XIRP2: variants seen among roughly 807,000 people sequenced by gnomAD.
The protein encoded by XIRP2 is xin actin-binding repeat-containing protein 2.
In XIRP2, 236 loss-of-function variants were observed where a neutral mutation model predicts 277.0. The observed-to-expected ratio is 0.85, with a 90% confidence interval of 0.77 to 0.95. XIRP2 has a LOEUF of 0.95. Ranked by LOEUF, XIRP2 falls within the 40% of genes least tolerant of loss-of-function variation. The pLI is 0.00. For missense variants in XIRP2, 4,640 were observed against 4,157.5 expected (o/e 1.12, Z -3.19); for synonymous variants, 1,490 against 1,416.5 (o/e 1.05, Z -1.17).
chr2:167,138,607 T>G (rs1174668087), intron 3 of XIRP2, among the ~76,000 whole-genome samples: 1 of 152,216 alleles, frequency 6.6e-6, no homozygotes, highest in Non-Finnish European at 1.5e-5. Flanking sequence ...CTCTAACAGT[T>G]GTTAAAATGA....
rs114825225 is a variant in XIRP2 at position 167,215,400 on chromosome 2, C to T, written c.724-2766C>T. On this transcript the variant is annotated intron_variant, in intron 4 of 10. Transcript: ENST00000409195. ...TTGATAGTCCACATAAATGAGGAAACGTTATTAACTTAGTAAAGCAACAAC... is the reference window on the plus strand; with the variant it reads ...TTGATAGTCCACATAAATGAGGAAATGTTATTAACTTAGTAAAGCAACAAC... 4.6e-3 allele frequency among the ~76,000 whole-genome samples: 707 copies of T among 152,224 alleles called. 6 individuals carry two copies. The highest frequency in any genetic ancestry group is 0.016 in the African/African-American group (653 of 41,526).
At chr2:167,166,144 A>G (rs539989868) in intron 3 of XIRP2, among the ~76,000 whole-genome samples, 2 of 152,264 alleles carry the variant, frequency 1.3e-5, no homozygotes, top group African/African-American at 2.4e-5. Flanking sequence ...ACAAATTTTG[A>G]TAAGTTGTAT....
rs537387902 is a variant in XIRP2, at chr2:166,957,406, AC to A, written c.408+53517del. 9.9e-5 allele frequency among the ~76,000 whole-genome samples: 15 copies of A among 151,892 alleles called. No individual in the cohort carries two copies. In the South Asian group the frequency reaches 3.1e-3, roughly 32 times the overall value. ...TTTTATTTATTTTTTATTTAGGAGA[AC>A]TTGGATAGTTTCATTTTGTACTATT... On this transcript the variant is annotated intron_variant, in intron 2 of 10. Transcript: ENST00000409195.
chr2:166,923,866 A>G lies in XIRP2; in HGVS notation c.408+19976A>G, dbSNP rs144815714. ...CACAGGATATCTTCCATTTGTCACT[A>G]TGGAAAATGACAGGCTATGTCTAAC... On this transcript the variant is annotated intron_variant, in intron 2 of 10. Transcript: ENST00000409195. 7.7e-3 allele frequency among the ~76,000 whole-genome samples: 1,179 copies of G among 152,142 alleles called. 20 individuals carry two copies. Among genetic ancestry groups the G allele is most frequent in the Admixed American group, 0.019 (294 of 15,270 alleles).
chr2:167,016,559 A>G (rs1232275145), intron 2 of XIRP2, among the ~76,000 whole-genome samples: 3 of 151,964 alleles, frequency 2.0e-5, no homozygotes, highest in African/African-American at 4.8e-5. Flanking sequence ...ATATAACACA[A>G]AAGATTGACT....
intron 2 of XIRP2, among the ~76,000 whole-genome samples, chr2:167,132,508 GTA>G (rs1491273248): frequency 1.6e-5 from 2 of 126,876 alleles, no homozygotes; most frequent in Non-Finnish European, 3.2e-5. Flanking sequence ...GTGTGCATGT[GTA>G]TACACACACA....
Position 167,243,024 on chromosome 2 carries a change from T to C in XIRP2, c.1632T>C (p.Tyr544=). Reference sequence around the variant, plus strand: ...CAGCAGATGTGCAACAAGCCCGGTATGTTTTTGAAAACACAAATGACAGTT... The same window carrying C: ...CAGCAGATGTGCAACAAGCCCGGTACGTTTTTGAAAACACAAATGACAGTT... ...SVSADVQQAR[Y]VFENTNDSSQ... The change falls in exon 9 of 11, where the codon TAT becomes TAC. Residue 544 remains tyrosine, a synonymous_variant. Coordinates refer to ENST00000409195, the MANE Select transcript of XIRP2 (RefSeq NM_152381.6). 2 of 1,614,050 alleles carry C rather than the reference T, an allele frequency of 1.2e-6. No homozygotes were observed. The highest frequency in any genetic ancestry group is 1.7e-6 in the Non-Finnish European group (2 of 1,179,970).
rs1374169085 is a variant in XIRP2, at chr2:166,888,537, A to G, written c.-39A>G. 6.6e-6 allele frequency: 1 copy of G among 152,200 alleles called. No individual in the cohort carries two copies. The highest frequency in any genetic ancestry group is 1.5e-5 in the Non-Finnish European group (1 of 68,034). 9.4% of individuals were successfully genotyped at this position (152,200 alleles called of 1,614,324 possible). A position where few individuals can be genotyped will look rare whatever the true frequency, so the allele number is the denominator to read the frequency against. ...AGACAAAAGGGAACATCTGGTAGGG[A>G]CTGGGACATGTAGAAAAAAGGTAAG... On this transcript the variant is annotated 5_prime_UTR_variant, in exon 1 of 11. Coordinates refer to ENST00000409195, the MANE Select transcript of XIRP2 (RefSeq NM_152381.6).
intron 2 of XIRP2, among the ~76,000 whole-genome samples, chr2:167,102,368 C>G (rs1173819492): frequency 6.6e-6 from 1 of 152,184 alleles, no homozygotes; most frequent in Admixed American, 6.5e-5. Flanking sequence ...CTTTATATCT[C>G]TTAACATGGC....
chr2:166,939,672 T>C (rs1342413775), intron 2 of XIRP2, among the ~76,000 whole-genome samples: 4 of 84,502 alleles, frequency 4.7e-5, no homozygotes, highest in Admixed American at 1.6e-4. Flanking sequence ...AGAGCAAGAC[T>C]CCATCACAAA....
At chr2:167,030,657 G>T (rs533885582) in intron 2 of XIRP2, among the ~76,000 whole-genome samples, 1 of 152,114 alleles carries the variant, frequency 6.6e-6, no homozygotes, top group East Asian at 1.9e-4. Context: ...GAATAAGTGC[G>T]ATGTGGTGCT....
chr2:167,245,453 T>C lies in XIRP2; in HGVS notation c.4061T>C (p.Phe1354Ser). The change falls in exon 9 of 11, where the codon TTT becomes TCT. Residue 1354 changes from phenylalanine to serine, a missense_variant. Physicochemically the swap from Phe to Ser is radical, Grantham distance 155. Coordinates refer to ENST00000409195, the MANE Select transcript of XIRP2 (RefSeq NM_152381.6). The stretch of plus-strand genomic sequence containing the variant: ...GATGTGCGAGGAACAAGGTGGCTTT[T>C]TGAAACAAAGCCATTAGACTCTATT... ...HGDVRGTRWL[F>S]ETKPLDSINK... 6.2e-7 allele frequency: 1 copy of C among 1,613,606 alleles called. No individual in the cohort carries two copies. The highest frequency in any genetic ancestry group is 8.5e-7 in the Non-Finnish European group (1 of 1,179,714).
chr2:166,975,473 G>A (rs1686685137), intron 2 of XIRP2, among the ~76,000 whole-genome samples: 1 of 151,978 alleles, frequency 6.6e-6, no homozygotes, highest in Admixed American at 6.6e-5. Flanking sequence ...TGGCGATAGA[G>A]CGAGACTCCT....
intron 3 of XIRP2, among the ~76,000 whole-genome samples, chr2:167,196,412 TTG>T (rs71031280): frequency 0.052 from 7,367 of 141,810 alleles, 490 homozygotes; most frequent in African/African-American, 0.16. Flanking sequence ...GTCAAGAATT[TTG>T]TGTGTGTGTG....
chr2:167,016,918 T>A (rs548046290), intron 2 of XIRP2, among the ~76,000 whole-genome samples: 1 of 152,074 alleles, frequency 6.6e-6, no homozygotes, highest in African/African-American at 2.4e-5. Flanking sequence ...TATATCATGC[T>A]TTTTCACTGG....
chr2:167,171,623 T>C (rs973104705), intron 3 of XIRP2, among the ~76,000 whole-genome samples: 6 of 152,206 alleles, frequency 3.9e-5, no homozygotes, highest in African/African-American at 1.4e-4. Context: ...CCGATATTAG[T>C]CTGCTTATTC....
At chr2:166,927,745 A>G (rs748321762) in intron 2 of XIRP2, among the ~76,000 whole-genome samples, 1 of 152,072 alleles carries the variant, frequency 6.6e-6, no homozygotes, top group Non-Finnish European at 1.5e-5. Context: ...GTGGCCACAT[A>G]TTCATAAGTT....
intron 2 of XIRP2, among the ~76,000 whole-genome samples, chr2:166,939,192 G>C (rs1000294334): frequency 1.4e-4 from 21 of 152,122 alleles, no homozygotes; most frequent in Admixed American, 5.2e-4. Flanking sequence ...AGCATCGATG[G>C]TCTTTACAAT....
chr2:167,072,607 G>C (rs1369793107), intron 2 of XIRP2, among the ~76,000 whole-genome samples: 2 of 152,082 alleles, frequency 1.3e-5, no homozygotes, highest in Non-Finnish European at 2.9e-5. Context: ...CAGTGTGTCA[G>C]GCACTCAATA....
Sources: gnomAD v4.1 joint callset for allele counts (sites outside exome capture counted in the v4.1 genomes callset) on GRCh38, gnomAD v4.1.1 for gene constraint, MANE v1.5 for transcripts, NCBI Gene and HGNC (gene_info 2026-07-23, HGNC 2026-07-21) for gene names.